The following ZNF41 variants were observed in gnomAD, a reference collection of about 807,000 sequenced individuals.
The protein encoded by ZNF41 is zinc finger protein 41.
A neutral mutation model predicts 9.3 loss-of-function variants in ZNF41; 6 were observed. The ratio of observed to expected loss-of-function variants is 0.65; its 90% CI spans 0.35 to 1.28. The LOEUF is 1.28. Among genes scored for constraint, ZNF41 ranks in the 50% most tolerant of loss-of-function variants. The pLI is 0.03. For missense variants in ZNF41, 523 were observed against 585.8 expected (o/e 0.89, Z 1.11); for synonymous variants, 192 against 207.1 (o/e 0.93, Z 0.63).
At chrX:47,475,381 AG>A (rs1362806974) in intron 1 of ZNF41, among the ~76,000 whole-genome samples, 1 of 110,996 alleles carries the variant, frequency 9.0e-6, no homozygotes, top group Non-Finnish European at 1.9e-5. Context: ...AAAATAAAAT[AG>A]TTAAAATTTG....
chrX:47,481,962 T>C (rs1470036949), intron 1 of ZNF41, among the ~76,000 whole-genome samples: 1 of 110,278 alleles, frequency 9.1e-6, no homozygotes, highest in African/African-American at 3.3e-5. Context: ...GGAAGCTGCA[T>C]ATCTGATTCC....
chrX:47,466,855 C>T (rs1569293900), intron 2 of ZNF41, among the ~76,000 whole-genome samples: 2 of 111,136 alleles, frequency 1.8e-5, no homozygotes, highest in African/African-American at 3.3e-5. Context: ...ACAGCCAGAA[C>T]GGCCCCAGAG....
At chrX:47,461,472 G>A (rs1488726337) in intron 2 of ZNF41, among the ~76,000 whole-genome samples, 1 of 106,192 alleles carries the variant, frequency 9.4e-6, no homozygotes, top group African/African-American at 3.4e-5. Context: ...GTGCAGTGGT[G>A]CAATCTTGGC....
At chrX:47,458,766 GT>G (rs1290103860) in intron 2 of ZNF41, among the ~76,000 whole-genome samples, 2 of 103,597 alleles carry the variant, frequency 1.9e-5, no homozygotes, top group Non-Finnish European at 4.0e-5. Context: ...ATGCTGCTTC[GT>G]TTTTTTTTTG....
At chrX:47,466,681 C>T (rs2057000621) in intron 2 of ZNF41, among the ~76,000 whole-genome samples, 1 of 111,167 alleles carries the variant, frequency 9.0e-6, no homozygotes, top group Non-Finnish European at 1.9e-5. Flanking sequence ...CCACATTCAG[C>T]TAACTTTTTG....
intron 2 of ZNF41, 113 bp downstream of exon 2, chrX:47,467,297 C>T: frequency 6.0e-6 from 7 of 1,162,672 alleles, no homozygotes; most frequent in East Asian, 3.3e-5. Flanking sequence ...GTGGCAGGTC[C>T]GGAATCTGCC....
At chrX:47,450,351 C>T (rs1488774173) in intron 4 of ZNF41, among the ~76,000 whole-genome samples, 1 of 110,689 alleles carries the variant, frequency 9.0e-6, no homozygotes, top group Non-Finnish European at 1.9e-5. Flanking sequence ...GCTGGGATTA[C>T]AGGCATGCAC....
Position 47,447,557 on chromosome X carries a change from T to C in ZNF41, c.2213A>G (p.Gln738Arg), listed in dbSNP as rs1237329964. 2 of 1,212,108 alleles carry C rather than the reference T, an allele frequency of 1.7e-6. No homozygotes were observed. Among genetic ancestry groups the C allele is most frequent in the Non-Finnish European group, 2.2e-6 (2 of 895,636 alleles). The change falls in exon 5 of 5, where the codon CAG becomes CGG. Residue 738 changes from glutamine (Q) to arginine (R), a missense_variant. Physicochemically the swap from Gln to Arg is conservative, Grantham distance 43. Coordinates refer to ENST00000684689, the MANE Select transcript of ZNF41 (RefSeq NM_001324144.2). Reference sequence around the variant, plus strand: ...AGGTTTCTTTCCTGTATGAATTATCTGATGCATACTTAGTGTGGCTTTCTG... The same window carrying C: ...AGGTTTCTTTCCTGTATGAATTATCCGATGCATACTTAGTGTGGCTTTCTG... ...FIQKATLSMH[Q>R]IIHTGKKPYA...
Position 47,448,026 on chromosome X carries a change from T to C in ZNF41, c.1744A>G (p.Lys582Glu). 8.3e-7 allele frequency: 1 copy of C among 1,211,744 alleles called. No individual in the cohort carries two copies. The highest frequency in any genetic ancestry group is 2.2e-5 in the Admixed American group (1 of 45,983). The change falls in exon 5 of 5, where the codon AAG becomes GAG. Residue 582 changes from lysine to glutamate, a missense_variant. Physicochemically the swap from Lys to Glu is moderately conservative, Grantham distance 56. Coordinates refer to ENST00000684689, the MANE Select transcript of ZNF41 (RefSeq NM_001324144.2). ...SHIGERHYEC[K>E]DCGKAFIQKS... ...TGGATGAAGGCTTTCCCGCAGTCCT[T>C]GCATTCATAGTGTCTCTCTCCAATA...
intron 2 of ZNF41, among the ~76,000 whole-genome samples, chrX:47,462,510 T>C (rs2056835551): frequency 9.0e-6 from 1 of 111,206 alleles, no homozygotes; most frequent in Non-Finnish European, 1.9e-5. Flanking sequence ...CTGTTCTGAC[T>C]GTCCTGTGTT....
intron 1 of ZNF41, among the ~76,000 whole-genome samples, chrX:47,472,732 GTTT>G (rs1234682796): frequency 9.3e-6 from 1 of 107,729 alleles, no homozygotes; most frequent in Non-Finnish European, 1.9e-5. Context: ...AACTTTTTTT[GTTT>G]TTTTTGAGAT....
intron 2 of ZNF41, among the ~76,000 whole-genome samples, chrX:47,461,691 G>A (rs1425990281): frequency 1.8e-5 from 2 of 109,986 alleles, no homozygotes; most frequent in Admixed American, 9.8e-5. Flanking sequence ...TTACAGGTGT[G>A]AGCCACTGTG....
intron 2 of ZNF41, among the ~76,000 whole-genome samples, chrX:47,462,946 TACAC>T (rs1159661067): frequency 4.3e-4 from 28 of 65,543 alleles, no homozygotes; most frequent in East Asian, 1.2e-3. Context: ...TATATATATA[TACAC>T]ACACACACAC....
At chrX:47,469,737 G>A (rs928979536) in intron 1 of ZNF41, among the ~76,000 whole-genome samples, 1 of 111,266 alleles carries the variant, frequency 9.0e-6, no homozygotes, top group Non-Finnish European at 1.9e-5. Flanking sequence ...AGGCGTGGTG[G>A]CACGCACCTG....
At chrX:47,450,260 G>A (rs779018362) in intron 4 of ZNF41, among the ~76,000 whole-genome samples, 1 of 110,909 alleles carries the variant, frequency 9.0e-6, no homozygotes, top group East Asian at 2.8e-4. Context: ...ACCCAGGCTG[G>A]AGTGCGGTGG....
rs1013442727 is a variant in ZNF41 at position 47,464,313 on chromosome X, A to G, written c.72+3097T>C. Reference sequence around the variant, plus strand: ...ACCCTGGACCCCTTGGCTATTCTTCATCTCTAGTAAGTGCACCATGGTACC... The same window carrying G: ...ACCCTGGACCCCTTGGCTATTCTTCGTCTCTAGTAAGTGCACCATGGTACC... On this transcript the variant is annotated intron_variant, in intron 2 of 4. Coordinates refer to ENST00000684689, the MANE Select transcript of ZNF41 (RefSeq NM_001324144.2). Among the ~76,000 whole-genome samples, 3 of 110,128 alleles carry G rather than the reference A, an allele frequency of 2.7e-5. No homozygotes were observed. The East Asian group carries it at 8.6e-4, about 32-fold the overall frequency.
intron 2 of ZNF41, among the ~76,000 whole-genome samples, chrX:47,459,764 A>AAAAAAAAAG (rs1456368840): frequency 2.0e-5 from 2 of 101,139 alleles, no homozygotes; most frequent in African/African-American, 8.2e-5. Flanking sequence ...AAAAAAAAAA[A>AAAAAAAAAG]AAAGAAAGAA....
intron 2 of ZNF41, among the ~76,000 whole-genome samples, chrX:47,463,177 T>C (rs1167788158): frequency 9.0e-6 from 1 of 110,818 alleles, no homozygotes. Context: ...ATCTGGTCTG[T>C]GGACCACACT....
intron 2 of ZNF41, among the ~76,000 whole-genome samples, chrX:47,464,569 C>G (rs760824220): frequency 8.0e-5 from 9 of 112,047 alleles, no homozygotes; most frequent in Non-Finnish European, 1.7e-4. Flanking sequence ...CCCCCAGGGT[C>G]TCGGTCATTT....
Sources: gnomAD v4.1 joint callset for allele counts (sites outside exome capture counted in the v4.1 genomes callset) on GRCh38, gnomAD v4.1.1 for gene constraint, MANE v1.5 for transcripts, NCBI Gene and HGNC (gene_info 2026-07-23, HGNC 2026-07-21) for gene names.